The following RMST variants were observed in gnomAD, a reference collection of about 807,000 sequenced individuals.
The protein encoded by RMST is rhabdomyosarcoma 2 associated transcript, also known as long intergenic non-protein coding RNA 54.
intron 4 of RMST, chr12:97,464,805 T>C (rs1054400573): frequency 6.6e-6 from 1 of 152,212 alleles, no homozygotes; most frequent in South Asian, 2.1e-4. Flanking sequence ...TCCAAAATCG[T>C]GGCTGAACGT....
At chr12:97,496,911 AGTT>A (rs1168532180) in intron 10 of RMST, among the ~76,000 whole-genome samples, 3 of 152,232 alleles carry the variant, frequency 2.0e-5, no homozygotes, top group Non-Finnish European at 4.4e-5. Flanking sequence ...TGGAATACAC[AGTT>A]GCAGTAGGAA....
chr12:97,547,669 C>G (rs1883037471), intron 11 of RMST, among the ~76,000 whole-genome samples: 1 of 151,976 alleles, frequency 6.6e-6, no homozygotes, highest in South Asian at 2.1e-4. Flanking sequence ...TTTCATATAC[C>G]TGTTGGCCAT....
At chr12:97,558,870 C>T (rs757714547) in intron 11 of RMST, among the ~76,000 whole-genome samples, 2 of 152,062 alleles carry the variant, frequency 1.3e-5, no homozygotes, top group East Asian at 1.9e-4. Flanking sequence ...TGTTCCCAGG[C>T]GTAACAGAAG....
intron 10 of RMST, among the ~76,000 whole-genome samples, chr12:97,520,765 C>A (rs1487767828): frequency 6.6e-6 from 1 of 152,088 alleles, no homozygotes; most frequent in Non-Finnish European, 1.5e-5. Flanking sequence ...TGGGAACTGC[C>A]AATCTTTGCA....
chr12:97,556,658 T>G (rs1883728316), intron 11 of RMST, among the ~76,000 whole-genome samples: 1 of 152,154 alleles, frequency 6.6e-6, no homozygotes, highest in African/African-American at 2.4e-5. Flanking sequence ...CAGAGGAGAT[T>G]AGAATCTTGG....
chr12:97,509,537 T>C (rs1879064381), intron 10 of RMST, among the ~76,000 whole-genome samples: 1 of 152,182 alleles, frequency 6.6e-6, no homozygotes, highest in Admixed American at 6.5e-5. Context: ...AGTCACCTTA[T>C]AATAAAATTC....
chr12:97,539,748 A>T (rs1351498866), intron 11 of RMST, among the ~76,000 whole-genome samples: 1 of 151,670 alleles, frequency 6.6e-6, no homozygotes, highest in Non-Finnish European at 1.5e-5. Flanking sequence ...AGTGATGTCA[A>T]ATCGGAACCA....
intron 10 of RMST, among the ~76,000 whole-genome samples, chr12:97,522,616 C>A (rs553086451): frequency 6.6e-6 from 1 of 152,232 alleles, no homozygotes; most frequent in Admixed American, 6.5e-5. Flanking sequence ...GAAGTTTGAA[C>A]AACCCATTAA....
intron 10 of RMST, among the ~76,000 whole-genome samples, chr12:97,496,378 A>G (rs981395610): frequency 2.0e-5 from 3 of 151,544 alleles, no homozygotes; most frequent in African/African-American, 7.3e-5. Context: ...CTCCTGGGTT[A>G]TTAAAAATTA....
intron 5 of RMST, among the ~76,000 whole-genome samples, chr12:97,484,594 C>T (rs1875854713): frequency 6.6e-6 from 1 of 152,068 alleles, no homozygotes; most frequent in Non-Finnish European, 1.5e-5. Flanking sequence ...ATGATAAAAA[C>T]AGAAGAAAAC....
At chr12:97,523,991 G>A (rs1271607768) in intron 10 of RMST, among the ~76,000 whole-genome samples, 1 of 147,474 alleles carries the variant, frequency 6.8e-6, no homozygotes, top group African/African-American at 2.5e-5. Context: ...CGGGAGAATG[G>A]CGTGACCCCG....
intron 10 of RMST, among the ~76,000 whole-genome samples, chr12:97,511,683 C>T (rs759123238): frequency 1.3e-5 from 2 of 152,108 alleles, no homozygotes; most frequent in African/African-American, 2.4e-5. Flanking sequence ...GAAGTAAGTA[C>T]TATTTTGAAG....
At chr12:97,471,638 T>C (rs1873930682) in intron 5 of RMST, among the ~76,000 whole-genome samples, 1 of 152,142 alleles carries the variant, frequency 6.6e-6, no homozygotes, top group Non-Finnish European at 1.5e-5. Flanking sequence ...GTGATTTCAT[T>C]TTGACACTAA....
At chr12:97,478,779 T>C (rs1874858515) in intron 5 of RMST, among the ~76,000 whole-genome samples, 1 of 152,236 alleles carries the variant, frequency 6.6e-6, no homozygotes, top group African/African-American at 2.4e-5. Flanking sequence ...AATTGCCTTT[T>C]GTCTGATTTC....
chr12:97,555,746 C>A (rs1883660444), intron 11 of RMST, among the ~76,000 whole-genome samples: 1 of 152,226 alleles, frequency 6.6e-6, no homozygotes, highest in African/African-American at 2.4e-5. Flanking sequence ...GAGTTGACAT[C>A]TCACAAATGT....
At chr12:97,491,480 T>C (rs181537588) in intron 5 of RMST, among the ~76,000 whole-genome samples, 1 of 152,370 alleles carries the variant, frequency 6.6e-6, no homozygotes. Context: ...AAATGTTGAT[T>C]ACCTTTTAAC....
chr12:97,475,563 A>G (rs1436322453), intron 5 of RMST, among the ~76,000 whole-genome samples: 2 of 149,818 alleles, frequency 1.3e-5, no homozygotes, highest in Non-Finnish European at 3.0e-5. Flanking sequence ...CGATTATAAT[A>G]CCCACCTTAG....
chr12:97,469,919 G>T (rs548284781), intron 5 of RMST, among the ~76,000 whole-genome samples: 3 of 152,184 alleles, frequency 2.0e-5, no homozygotes, highest in African/African-American at 4.8e-5. Flanking sequence ...AACCTTTTTA[G>T]ATCTCATACC....
chr12:97,522,215 T>C (rs1248629612), intron 10 of RMST, among the ~76,000 whole-genome samples: 1 of 152,242 alleles, frequency 6.6e-6, no homozygotes, highest in Non-Finnish European at 1.5e-5. Context: ...TATATGAGAA[T>C]TCATTTAAAA....
Sources: allele counts gnomAD v4.1 joint callset (sites outside exome capture counted in the v4.1 genomes callset), GRCh38; gene constraint gnomAD v4.1.1; transcripts MANE v1.5; gene names NCBI Gene and HGNC (gene_info 2026-07-23, HGNC 2026-07-21).